CNTNAP2: variants seen among roughly 807,000 people sequenced by gnomAD.
CNTNAP2 encodes contactin-associated protein-like 2.
A neutral mutation model predicts 155.2 loss-of-function variants in CNTNAP2; 98 were observed. That is an observed-to-expected ratio of 0.63 (90% confidence interval 0.54 to 0.75). The LOEUF is 0.75. Ranked by LOEUF, CNTNAP2 falls within the 30% of genes least tolerant of loss-of-function variation. CNTNAP2 has a pLI of 0.00. For missense variants in CNTNAP2, 1,727 were observed against 1,688.1 expected (o/e 1.02, Z -0.40); for synonymous variants, 651 against 631.2 (o/e 1.03, Z -0.47).
chr7:147,567,608 C>A (rs1024684278), intron 12 of CNTNAP2, among the ~76,000 whole-genome samples: 1 of 152,028 alleles, frequency 6.6e-6, no homozygotes, highest in Non-Finnish European at 1.5e-5. Context: ...TTGGCCAGAC[C>A]GTTCCTGATG....
At chr7:148,208,827 T>C (rs139481238) in intron 18 of CNTNAP2, among the ~76,000 whole-genome samples, 36 of 152,238 alleles carry the variant, frequency 2.4e-4, no homozygotes, top group African/African-American at 8.7e-4. Flanking sequence ...TGAAAAACCC[T>C]TTTTCCTTGG....
chr7:147,226,752 G>C (rs1397142774), intron 8 of CNTNAP2, among the ~76,000 whole-genome samples: 1 of 152,130 alleles, frequency 6.6e-6, no homozygotes, highest in Non-Finnish European at 1.5e-5. Flanking sequence ...TCTGCACACA[G>C]CAAGAAATTA....
intron 15 of CNTNAP2, among the ~76,000 whole-genome samples, chr7:147,980,933 C>CAAAAAAAAAAAAA (rs34927518): frequency 7.4e-5 from 7 of 94,004 alleles, no homozygotes; most frequent in Admixed American, 2.9e-4. Flanking sequence ...TCCATCTTAA[C>CAAAAAAAAAAAAA]AAAAAAAAAA....
At chr7:146,458,561 A>C (rs1252738984) in intron 1 of CNTNAP2, among the ~76,000 whole-genome samples, 1 of 152,174 alleles carries the variant, frequency 6.6e-6, no homozygotes, top group Non-Finnish European at 1.5e-5. Context: ...GATTTTACAT[A>C]TGTCCTATAC....
intron 9 of CNTNAP2, among the ~76,000 whole-genome samples, chr7:147,382,402 A>G (rs1350558061): frequency 6.6e-6 from 1 of 152,186 alleles, no homozygotes; most frequent in Admixed American, 6.6e-5. Flanking sequence ...ATGATTGTGC[A>G]TTTTGCAGAG....
At chr7:146,553,225 T>G (rs948300947) in intron 1 of CNTNAP2, among the ~76,000 whole-genome samples, 1 of 152,110 alleles carries the variant, frequency 6.6e-6, no homozygotes, top group Non-Finnish European at 1.5e-5. Flanking sequence ...ATTCTAATTA[T>G]ATTTGAAATG....
At chr7:146,406,503 C>T (rs923315048) in intron 1 of CNTNAP2, among the ~76,000 whole-genome samples, 2 of 152,078 alleles carry the variant, frequency 1.3e-5, no homozygotes, top group South Asian at 4.1e-4. Flanking sequence ...TTTATTAAAA[C>T]AATAAATCAA....
chr7:147,794,751 AAC>A lies in CNTNAP2; in HGVS notation c.2099-108812_2099-108811del, dbSNP rs1283373423. On this transcript the variant is annotated intron_variant, in intron 13 of 23. Coordinates refer to ENST00000361727, the MANE Select transcript of CNTNAP2 (RefSeq NM_014141.6). ...CTTTATGGGTAGTTTTTTTTTTAAA[AAC>A]AATTAATTCAATCTTATTTGTTAAA... Among the ~76,000 whole-genome samples the A allele has an allele frequency of 6.1e-3, 781 of 127,058 alleles. 4 individuals carry two copies. The highest frequency in any genetic ancestry group is 0.02 in the African/African-American group (710 of 35,558). 83.4% of individuals were successfully genotyped at this position (127,058 alleles called of 152,430 possible). A position where few individuals can be genotyped will look rare whatever the true frequency, so the allele number is the denominator to read the frequency against.
At chr7:147,682,809 A>G (rs1795967080) in intron 13 of CNTNAP2, among the ~76,000 whole-genome samples, 1 of 151,996 alleles carries the variant, frequency 6.6e-6, no homozygotes. Flanking sequence ...CCTGTTTGAC[A>G]GCAAGCAACA....
chr7:146,446,078 T>C (rs1272071510), intron 1 of CNTNAP2, among the ~76,000 whole-genome samples: 1 of 152,142 alleles, frequency 6.6e-6, no homozygotes, highest in Non-Finnish European at 1.5e-5. Context: ...TCTTACTAAG[T>C]TCATTGGTCT....
Position 146,552,428 on chromosome 7 carries a change from A to G in CNTNAP2, c.98-221843A>G, listed in dbSNP as rs73741746. On this transcript the variant is annotated intron_variant, in intron 1 of 23. Transcript: ENST00000361727. Reference sequence around the variant, plus strand: ...ACGCATTAACTTCACACTACTTTCAAAATATATTCTGGGTTCGATCACTTC... The same window carrying G: ...ACGCATTAACTTCACACTACTTTCAGAATATATTCTGGGTTCGATCACTTC... Among the ~76,000 whole-genome samples the G allele has an allele frequency of 1.1e-3, 164 of 152,168 alleles. 2 individuals are homozygous for G. The highest frequency in any genetic ancestry group is 3.7e-3 in the African/African-American group (152 of 41,524).
At chr7:147,745,503 T>C (rs1797023615) in intron 13 of CNTNAP2, among the ~76,000 whole-genome samples, 1 of 152,236 alleles carries the variant, frequency 6.6e-6, no homozygotes, top group Non-Finnish European at 1.5e-5. Flanking sequence ...TAAACATCTT[T>C]AGCAGAAGAC....
At chr7:147,253,328 G>A (rs560778142) in intron 8 of CNTNAP2, among the ~76,000 whole-genome samples, 4 of 149,830 alleles carry the variant, frequency 2.7e-5, no homozygotes, top group Admixed American at 1.3e-4. Context: ...CCACGTAGAA[G>A]CATCAGCCAG....
chr7:146,248,723 C>T (rs568996866), intron 1 of CNTNAP2, among the ~76,000 whole-genome samples: 5 of 152,142 alleles, frequency 3.3e-5, no homozygotes, highest in Non-Finnish European at 7.4e-5. Context: ...GACCTGAGGT[C>T]GTACGTGGAT....
At chr7:147,788,829 G>T (rs700321) in intron 13 of CNTNAP2, among the ~76,000 whole-genome samples, 145,515 of 151,156 alleles carry the variant, frequency 0.96, 70,107 homozygotes, top group East Asian at 1. Flanking sequence ...ACCTCTTTCC[G>T]TTCTCTTACT....
chr7:146,581,085 G>A (rs1408214149), intron 1 of CNTNAP2, among the ~76,000 whole-genome samples: 5 of 152,028 alleles, frequency 3.3e-5, no homozygotes, highest in African/African-American at 4.8e-5. Flanking sequence ...AACCTTTCAA[G>A]GAAAGGCTGA....
At chr7:147,225,197 T>C (rs149152024) in intron 8 of CNTNAP2, among the ~76,000 whole-genome samples, 15 of 152,324 alleles carry the variant, frequency 9.8e-5, no homozygotes, top group African/African-American at 3.6e-4. Flanking sequence ...TATTGCTCAC[T>C]ATAAAGTACA....
In CNTNAP2 at chr7:146,470,132, C is replaced by T. The variant is rs139140116; in HGVS notation, c.98-304139C>T. ...GGGATTACAGGCGTGAGCCACTGCG[C>T]GCGGCCTTAATTGACTTTTAAACTA... On this transcript the variant is annotated intron_variant, in intron 1 of 23. Transcript: ENST00000361727. Among the ~76,000 whole-genome samples the T allele has an allele frequency of 8.5e-5, 13 of 152,256 alleles. No homozygotes were observed. In the South Asian group the frequency reaches 1.0e-3, roughly 12 times the overall value.
At chr7:147,541,773 A>G (rs1028361020) in intron 11 of CNTNAP2, among the ~76,000 whole-genome samples, 3 of 152,222 alleles carry the variant, frequency 2.0e-5, no homozygotes, top group Non-Finnish European at 2.9e-5. Context: ...TAATGATTAA[A>G]ATGAGTTTGA....
Sources: gnomAD v4.1 joint callset for allele counts (sites outside exome capture counted in the v4.1 genomes callset) on GRCh38, gnomAD v4.1.1 for gene constraint, MANE v1.5 for transcripts, NCBI Gene and HGNC (gene_info 2026-07-23, HGNC 2026-07-21) for gene names.